NECTIN3: variants seen among roughly 807,000 people sequenced by gnomAD.
NECTIN3 encodes the protein nectin cell adhesion molecule 3, also known as nectin-3.
NECTIN3 carries 8 observed loss-of-function variants against 49.4 expected under a neutral mutation model. That is an observed-to-expected ratio of 0.16 (90% confidence interval 0.10 to 0.29). The LOEUF (loss-of-function observed/expected upper bound fraction) is 0.29, where lower values mean the gene tolerates loss of function less well. Ranked by LOEUF, NECTIN3 falls within the 10% of genes least tolerant of loss-of-function variation. NECTIN3 has a pLI of 1.00. For synonymous variants in NECTIN3, 277 were observed against 241.1 expected (o/e 1.15, Z -1.38); for missense variants, 581 against 654.6 (o/e 0.89, Z 1.23).
chr3:111,078,069 ATATAT>A lies in NECTIN3; in HGVS notation c.160+5897_160+5901del, dbSNP rs563521287. On this transcript the variant is annotated intron_variant, in intron 1 of 5. Transcript: ENST00000485303. ...ATAGTAATGTTTTGAAATCCAGTAG[ATATAT>A]TATACTTATAGATCATTTCAATTTG... Among the ~76,000 whole-genome samples, 280 of 152,286 alleles carry A rather than the reference ATATAT, an allele frequency of 1.8e-3. 2 individuals carry two copies. Among genetic ancestry groups the A allele is most frequent in the Non-Finnish European group, 2.9e-3 (200 of 68,016 alleles).
rs757423197 is a variant in NECTIN3, at chr3:111,132,101, A to G, written c.1070-1534A>G. 8.6e-4 allele frequency among the ~76,000 whole-genome samples: 131 copies of G among 151,954 alleles called. 1 individual carries two copies. The highest frequency in any genetic ancestry group is 6.8e-3 in the Middle Eastern group (2 of 292). On this transcript the variant is annotated intron_variant, in intron 5 of 5. Coordinates refer to ENST00000485303, the MANE Select transcript of NECTIN3 (RefSeq NM_015480.3). ...CATTACGTGAGACTTTACTACTTCTATATTAGACATGATCCTTCAATTCTA... is the reference window on the plus strand; with the variant it reads ...CATTACGTGAGACTTTACTACTTCTGTATTAGACATGATCCTTCAATTCTA...
rs142916837 is a variant in NECTIN3, at chr3:111,102,452, G to C, written c.161-9578G>C. Among the ~76,000 whole-genome samples the C allele has an allele frequency of 6.0e-3, 913 of 152,260 alleles. 7 individuals carry two copies. The highest frequency in any genetic ancestry group is 0.021 in the African/African-American group (855 of 41,554). On this transcript the variant is annotated intron_variant, in intron 1 of 5. Coordinates refer to ENST00000485303, the MANE Select transcript of NECTIN3 (RefSeq NM_015480.3). ...CAAAACCACATCAACTCCCTTGCCT[G>C]TTTCTCTTTTAAATTGTGCATGCCT... is the stretch of plus-strand genomic sequence containing the variant.
At chr3:111,086,990 A>C (rs113436075) in intron 1 of NECTIN3, among the ~76,000 whole-genome samples, 2 of 152,032 alleles carry the variant, frequency 1.3e-5, no homozygotes, top group African/African-American at 4.8e-5. Context: ...ATTTCAAGTT[A>C]TTTGGCTTTT....
chr3:111,174,918 G>A (rs781081411), intron 7 of NECTIN3, among the ~76,000 whole-genome samples: 61 of 152,250 alleles, frequency 4.0e-4, no homozygotes, highest in Non-Finnish European at 5.3e-4. Context: ...CTTGTCCAGT[G>A]TCCCGGTAGA....
chr3:111,097,289 A>G (rs2032643977), intron 1 of NECTIN3, among the ~76,000 whole-genome samples: 1 of 152,106 alleles, frequency 6.6e-6, no homozygotes. Context: ...GTATTTATCC[A>G]ATACCTGTAC....
Position 111,143,038 on chromosome 3 carries a change from G to A in NECTIN3, c.1001-1861G>A, listed in dbSNP as rs558161852. On this transcript the variant is annotated intron_variant, in intron 5 of 8. Coordinates refer to the NECTIN3 transcript ENST00000493615. ...TTGCATAACCTTAATAGTTTCAACT[G>A]GCCTACTATTAAGGATTGAGTAGGA... Among the ~76,000 whole-genome samples, 7 of 151,866 alleles carry A rather than the reference G, an allele frequency of 4.6e-5. No individual in the cohort carries two copies. In the South Asian group the frequency reaches 1.2e-3, roughly 27 times the overall value.
At chr3:111,101,599 GT>G (rs2032911125) in intron 1 of NECTIN3, among the ~76,000 whole-genome samples, 1 of 152,098 alleles carries the variant, frequency 6.6e-6, no homozygotes, top group Non-Finnish European at 1.5e-5. Context: ...CTAGAATTGT[GT>G]TATCTAGAAC....
chr3:111,104,101 G>A (rs1222337689), intron 1 of NECTIN3, among the ~76,000 whole-genome samples: 1 of 151,980 alleles, frequency 6.6e-6, no homozygotes, highest in Non-Finnish European at 1.5e-5. Flanking sequence ...ATTCCAGTGT[G>A]GTTTTACCAT....
chr3:111,138,231 G>A (rs1163524172), downstream of NECTIN3, among the ~76,000 whole-genome samples: 2 of 151,270 alleles, frequency 1.3e-5, no homozygotes, highest in African/African-American at 4.8e-5. Flanking sequence ...TCCTATTTCT[G>A]GCTTTTTAAA....
At chr3:111,139,537 G>T (rs2034687904), downstream of NECTIN3, among the ~76,000 whole-genome samples, 1 of 151,696 alleles carries the variant, frequency 6.6e-6, no homozygotes, top group Admixed American at 6.6e-5. Context: ...GTGGTGCTAT[G>T]TCTTTCCATC....
At chr3:111,092,344 C>T (rs2032318475) in intron 1 of NECTIN3, among the ~76,000 whole-genome samples, 1 of 152,068 alleles carries the variant, frequency 6.6e-6, no homozygotes, top group South Asian at 2.1e-4. Flanking sequence ...ATTGCTTATG[C>T]TTGTGCCATA....
chr3:111,123,690 G>T (rs1333628314), intron 4 of NECTIN3, among the ~76,000 whole-genome samples: 1 of 152,136 alleles, frequency 6.6e-6, no homozygotes, highest in Non-Finnish European at 1.5e-5. Flanking sequence ...CTGAGGTACA[G>T]TGAGTTGAAC....
At chr3:111,096,353 C>T (rs950313529) in intron 1 of NECTIN3, among the ~76,000 whole-genome samples, 1 of 152,128 alleles carries the variant, frequency 6.6e-6, no homozygotes, top group African/African-American at 2.4e-5. Context: ...CTATTAAAGG[C>T]ATTCAGTTTT....
At chr3:111,102,411 A>G (rs944272580) in intron 1 of NECTIN3, among the ~76,000 whole-genome samples, 1 of 152,152 alleles carries the variant, frequency 6.6e-6, no homozygotes, top group African/African-American at 2.4e-5. Context: ...TGACCAACTT[A>G]AAATTCATAA....
intron 3 of NECTIN3, 106 bp downstream of exon 3, chr3:111,119,058 A>G (rs1008386275): frequency 1.5e-4 from 162 of 1,073,020 alleles, no homozygotes; most frequent in Non-Finnish European, 1.9e-4. Flanking sequence ...TTTTTCTTTT[A>G]ATTTTGTTTG....
chr3:111,192,906 C>T (rs1235239600), intron 1 of NECTIN3, among the ~76,000 whole-genome samples: 1 of 152,160 alleles, frequency 6.6e-6, no homozygotes, highest in East Asian at 1.9e-4. Context: ...CCCTGTTCTT[C>T]TCCAGTTTAC....
intron 1 of NECTIN3, among the ~76,000 whole-genome samples, chr3:111,106,143 A>G (rs2033172422): frequency 6.6e-6 from 1 of 152,150 alleles, no homozygotes; most frequent in Non-Finnish European, 1.5e-5. Flanking sequence ...AGAATGCACT[A>G]TGGATCCTTG....
chr3:111,081,430 G>A (rs974370202), intron 1 of NECTIN3, among the ~76,000 whole-genome samples: 2 of 152,218 alleles, frequency 1.3e-5, no homozygotes, highest in Admixed American at 6.5e-5. Flanking sequence ...AATGAAAGAT[G>A]TCTTTCTCTG....
chr3:111,083,358 G>A (rs773343420), intron 1 of NECTIN3, among the ~76,000 whole-genome samples: 3 of 152,182 alleles, frequency 2.0e-5, no homozygotes, highest in Non-Finnish European at 4.4e-5. Flanking sequence ...ATGTGATGGT[G>A]TTAGGGGGCA....
Sources: gnomAD v4.1 joint callset for allele counts (sites outside exome capture counted in the v4.1 genomes callset) on GRCh38, gnomAD v4.1.1 for gene constraint, MANE v1.5 for transcripts, NCBI Gene and HGNC (gene_info 2026-07-23, HGNC 2026-07-21) for gene names.